TTC28: variants seen among roughly 807,000 people sequenced by gnomAD.
TTC28 encodes tetratricopeptide repeat protein 28.
In TTC28, 61 loss-of-function variants were observed where a neutral mutation model predicts 198.0. The ratio of observed to expected loss-of-function variants is 0.31; its 90% CI spans 0.25 to 0.38. The LOEUF is 0.38. Among genes scored for constraint, TTC28 ranks in the 10% least tolerant of loss-of-function variants. The pLI is 1.00. For synonymous variants in TTC28, 1,171 were observed against 1,297.8 expected, an observed-to-expected ratio of 0.90 and a Z score of 2.10; for missense variants, 2,678 against 3,164.0, an observed-to-expected ratio of 0.85 and a Z score of 3.69.
intron 2 of TTC28, among the ~76,000 whole-genome samples, chr22:28,614,504 GAACA>G (rs2050869936): frequency 6.6e-6 from 1 of 152,150 alleles, no homozygotes; most frequent in African/African-American, 2.4e-5. Context: ...TAAGCAAAAA[GAACA>G]AACCTGGCGG....
At chr22:28,512,482 T>G (rs1209395691) in intron 2 of TTC28, among the ~76,000 whole-genome samples, 2 of 152,200 alleles carry the variant, frequency 1.3e-5, no homozygotes, top group Non-Finnish European at 2.9e-5. Context: ...ATGTATATGT[T>G]CACTGCAGCA....
intron 1 of TTC28, among the ~76,000 whole-genome samples, chr22:28,652,831 T>C (rs1056573273): frequency 7.2e-5 from 11 of 152,200 alleles, no homozygotes; most frequent in Admixed American, 1.3e-4. Flanking sequence ...AAAAGGAAAC[T>C]GACAGCATCT....
chr22:28,645,211 A>G (rs2051439670), intron 1 of TTC28, among the ~76,000 whole-genome samples: 1 of 152,204 alleles, frequency 6.6e-6, no homozygotes, highest in East Asian at 1.9e-4. Flanking sequence ...AAAAATTGTA[A>G]TAATAATAAT....
At position 27,989,980 on chromosome 22, in the gene TTC28, C is replaced by A. The variant is rs1016516249; in HGVS notation, c.5605G>T (p.Ala1869Ser). 7.9e-5 allele frequency: 122 copies of A among 1,550,996 alleles called. No homozygotes were observed. The highest frequency in any genetic ancestry group is 9.3e-5 in the Non-Finnish European group (107 of 1,146,840). Residue 1869 changes from alanine (A) to serine (S), a missense_variant, in exon 21 of 23, where the codon GCT becomes TCT. Physicochemically the swap from Ala to Ser is moderately conservative, Grantham distance 99. This residue lies in a region of TTC28 where 314 missense variants were observed against 442.7 expected (regional missense o/e 0.71). Coordinates refer to ENST00000397906, the MANE Select transcript of TTC28 (RefSeq NM_001145418.2). ...MLHQVLVQLQ[A>S]GEKEQDLASA... The stretch of plus-strand genomic sequence containing the variant: ...GCCAAGTCCTGCTCCTTCTCGCCAG[C>A]CTGGAGCTGAACCAGCACCTGGTGG...
chr22:28,277,910 A>G (rs1569235705), intron 5 of TTC28, among the ~76,000 whole-genome samples: 1 of 152,166 alleles, frequency 6.6e-6, no homozygotes, highest in Non-Finnish European at 1.5e-5. Flanking sequence ...CCATTATACC[A>G]GAATGACAGC....
At chr22:28,332,412 G>GA (rs1402395447) in intron 2 of TTC28, among the ~76,000 whole-genome samples, 1 of 151,362 alleles carries the variant, frequency 6.6e-6, no homozygotes, top group African/African-American at 2.4e-5. Context: ...AAAAGCCCTT[G>GA]AAAAAAAAGT....
intron 2 of TTC28, among the ~76,000 whole-genome samples, chr22:28,507,148 G>T (rs1224969637): frequency 6.6e-6 from 1 of 152,120 alleles, no homozygotes; most frequent in East Asian, 1.9e-4. Flanking sequence ...CCAATGCAAA[G>T]AAGCTAACAA....
chr22:28,516,962 A>G (rs1478622668), intron 2 of TTC28, among the ~76,000 whole-genome samples: 1 of 152,182 alleles, frequency 6.6e-6, no homozygotes, highest in Non-Finnish European at 1.5e-5. Flanking sequence ...ACAACTTACT[A>G]TTCTGTAGTG....
At chr22:28,590,580 C>A (rs1209665110) in intron 2 of TTC28, among the ~76,000 whole-genome samples, 2 of 152,018 alleles carry the variant, frequency 1.3e-5, no homozygotes, top group East Asian at 1.9e-4. Context: ...TAGCAAGACA[C>A]CCATCTCTAC....
chr22:28,302,270 G>A (rs1275537536), intron 3 of TTC28, among the ~76,000 whole-genome samples: 1 of 152,078 alleles, frequency 6.6e-6, no homozygotes, highest in East Asian at 1.9e-4. Context: ...AGATAAGAAG[G>A]AAAGAGAGGC....
chr22:28,432,357 T>A (rs2047446150), intron 2 of TTC28, among the ~76,000 whole-genome samples: 2 of 152,082 alleles, frequency 1.3e-5, no homozygotes, highest in South Asian at 4.1e-4. Context: ...GTAAAATGTA[T>A]TGATTTGTTA....
Position 28,450,215 on chromosome 22 carries a change from G to T in TTC28, c.382-143572C>A, listed in dbSNP as rs1400084948. Among the ~76,000 whole-genome samples, 5 of 152,258 alleles carry T rather than the reference G, an allele frequency of 3.3e-5. No homozygotes were observed. The East Asian group carries it at 9.6e-4, about 29-fold the overall frequency. On this transcript the variant is annotated intron_variant, in intron 2 of 22. Coordinates refer to ENST00000397906, the MANE Select transcript of TTC28 (RefSeq NM_001145418.2). Reference sequence around the variant, plus strand: ...AGGTTAAAAAAATTCTTCCAGTGATGAAGTCTGGAGCAAGAAGAATTTTAA... The same window carrying T: ...AGGTTAAAAAAATTCTTCCAGTGATTAAGTCTGGAGCAAGAAGAATTTTAA...
chr22:28,054,130 G>C (rs777127593), intron 12 of TTC28, among the ~76,000 whole-genome samples: 12 of 152,146 alleles, frequency 7.9e-5, no homozygotes, highest in African/African-American at 1.2e-4. Context: ...TAAGGAGCCT[G>C]GTTTCCTGCA....
intron 2 of TTC28, among the ~76,000 whole-genome samples, chr22:28,576,206 T>C (rs1731447879): frequency 6.6e-6 from 1 of 152,026 alleles, no homozygotes; most frequent in African/African-American, 2.4e-5. Flanking sequence ...TATGAAGGGA[T>C]GTTGAGTTTT....
chr22:28,453,510 C>T (rs1436318982), intron 2 of TTC28, among the ~76,000 whole-genome samples: 2 of 152,328 alleles, frequency 1.3e-5, no homozygotes, highest in African/African-American at 2.4e-5. Flanking sequence ...CAGACTTACA[C>T]AGCCAACAAA....
At chr22:28,537,296 A>AATAAAATAAC (rs903712744) in intron 2 of TTC28, among the ~76,000 whole-genome samples, 9 of 94,636 alleles carry the variant, frequency 9.5e-5, no homozygotes, top group African/African-American at 1.2e-4. Context: ...CCGTCTCAAA[A>AATAAAATAAC]ATAAAATAAA....
chr22:28,640,921 T>C (rs1299328429), intron 1 of TTC28, among the ~76,000 whole-genome samples: 1 of 152,162 alleles, frequency 6.6e-6, no homozygotes, highest in Non-Finnish European at 1.5e-5. Context: ...GCACAAATTT[T>C]CATAGCAGAT....
At chr22:28,452,703 T>C (rs2048669168) in intron 2 of TTC28, among the ~76,000 whole-genome samples, 1 of 152,120 alleles carries the variant, frequency 6.6e-6, no homozygotes, top group South Asian at 2.1e-4. Context: ...GGAGGTACTT[T>C]TTACAGTTGT....
intron 2 of TTC28, among the ~76,000 whole-genome samples, chr22:28,493,484 AATCAC>A (rs754243170): frequency 1.3e-5 from 2 of 152,266 alleles, no homozygotes; most frequent in African/African-American, 4.8e-5. Flanking sequence ...TTTCTACAGG[AATCAC>A]ATCACAAGTA....
Sources: gnomAD v4.1 joint callset for allele counts (sites outside exome capture counted in the v4.1 genomes callset) on GRCh38, gnomAD v4.1.1 for gene constraint, gnomAD v4.1.1 regional missense constraint, MANE v1.5 for transcripts, NCBI Gene and HGNC (gene_info 2026-07-23, HGNC 2026-07-21) for gene names.